Variants in RUNDC3B observed in about 807,000 individuals in gnomAD.
RUNDC3B encodes RUN domain-containing protein 3B.
RUNDC3B carries 33 observed loss-of-function variants against 58.4 expected under a neutral mutation model. That is an observed-to-expected ratio of 0.56 (90% CI 0.43 to 0.75). The LOEUF (loss-of-function observed/expected upper bound fraction) is 0.75, where lower values mean the gene tolerates loss of function less well. Ranked by LOEUF, RUNDC3B falls within the 30% of genes least tolerant of loss-of-function variation. The pLI is 0.00. For missense variants in RUNDC3B, 501 were observed against 535.7 expected, an observed-to-expected ratio of 0.94 and a Z score of 0.64; for synonymous variants, 193 against 195.2, an observed-to-expected ratio of 0.99 and a Z score of 0.10.
intron 4 of RUNDC3B, among the ~76,000 whole-genome samples, chr7:87,719,958 T>C (rs1360927816): frequency 8.5e-6 from 1 of 118,264 alleles, no homozygotes; most frequent in East Asian, 2.3e-4. Flanking sequence ...TCAGAGGTAA[T>C]GAAAAAAATT....
At chr7:87,714,940 C>T (rs1830423481) in intron 4 of RUNDC3B, among the ~76,000 whole-genome samples, 1 of 152,008 alleles carries the variant, frequency 6.6e-6, no homozygotes, top group African/African-American at 2.4e-5. Flanking sequence ...GCTGTTGGCT[C>T]ATTCTGGCAG....
At chr7:87,798,902 T>C (rs912882862) in intron 8 of RUNDC3B, among the ~76,000 whole-genome samples, 2 of 152,236 alleles carry the variant, frequency 1.3e-5, no homozygotes, top group Non-Finnish European at 2.9e-5. Context: ...TCTTTCAGTA[T>C]GTTTTCTTTA....
At chr7:87,681,729 T>TG (rs2130592325) in intron 2 of RUNDC3B, among the ~76,000 whole-genome samples, 1 of 138,202 alleles carries the variant, frequency 7.2e-6, no homozygotes, top group Admixed American at 7.3e-5. Context: ...AAGACAACAA[T>TG]GGGCTGGGCA....
At chr7:87,747,638 T>C (rs755601115) in intron 6 of RUNDC3B, among the ~76,000 whole-genome samples, 36 of 152,084 alleles carry the variant, frequency 2.4e-4, no homozygotes, top group Non-Finnish European at 4.6e-4. Context: ...GCTCAGACTC[T>C]CCTTGGGCGG....
At chr7:87,789,023 G>T (rs1446044825) in intron 8 of RUNDC3B, among the ~76,000 whole-genome samples, 1 of 152,150 alleles carries the variant, frequency 6.6e-6, no homozygotes, top group East Asian at 1.9e-4. Flanking sequence ...ATTGTTACTT[G>T]AAGGGTGCCA....
chr7:87,629,157 G>GCACTGGAA, intron 1 of RUNDC3B: 2 of 414,418 alleles, frequency 4.8e-6, no homozygotes, highest in Non-Finnish European at 8.4e-6. Flanking sequence ...CAGTTCCAGT[G>GCACTGGAA]CTGAAGGTAC....
chr7:87,638,830 T>C (rs1434827062), intron 1 of RUNDC3B, among the ~76,000 whole-genome samples: 1 of 152,176 alleles, frequency 6.6e-6, no homozygotes, highest in African/African-American at 2.4e-5. Context: ...CTTTGTTAAT[T>C]TTCTCTGTCG....
chr7:87,683,799 G>A (rs79284611), intron 2 of RUNDC3B, among the ~76,000 whole-genome samples: 2,503 of 152,224 alleles, frequency 0.016, 71 homozygotes, highest in African/African-American at 0.056. Context: ...AAATTGCACC[G>A]AAAGACTTGC....
chr7:87,629,794 C>T (rs28381770), intron 1 of RUNDC3B, among the ~76,000 whole-genome samples: 4,726 of 151,650 alleles, frequency 0.031, 73 homozygotes, highest in Middle Eastern at 0.048. Context: ...GGCGTGGTGG[C>T]GGGCTCCTGT....
At chr7:87,691,011 G>A (rs369449073) in intron 2 of RUNDC3B, among the ~76,000 whole-genome samples, 5 of 152,092 alleles carry the variant, frequency 3.3e-5, no homozygotes, top group East Asian at 3.9e-4. Context: ...AAAATTCATC[G>A]ATTATATCAA....
At chr7:87,729,434 A>G (rs1203328542) in intron 4 of RUNDC3B, among the ~76,000 whole-genome samples, 3 of 152,186 alleles carry the variant, frequency 2.0e-5, no homozygotes, top group Non-Finnish European at 4.4e-5. Flanking sequence ...GGAGGCAGCA[A>G]ACAGTAATTG....
At chr7:87,806,390 C>T (rs1017018005) in intron 8 of RUNDC3B, among the ~76,000 whole-genome samples, 11 of 152,152 alleles carry the variant, frequency 7.2e-5, no homozygotes, top group Admixed American at 2.6e-4. Flanking sequence ...GGACTTTTAT[C>T]TGTGGAAGTT....
intron 5 of RUNDC3B, among the ~76,000 whole-genome samples, 183 bp downstream of exon 5, chr7:87,740,063 T>A (rs1832223613): frequency 6.6e-6 from 1 of 152,162 alleles, no homozygotes; most frequent in Non-Finnish European, 1.5e-5. Context: ...GAAAAGAGAC[T>A]GCCTGAAACT....
chr7:87,723,792 G>T (rs949787518), intron 4 of RUNDC3B, among the ~76,000 whole-genome samples: 5 of 151,916 alleles, frequency 3.3e-5, no homozygotes, highest in Admixed American at 3.3e-4. Flanking sequence ...TAAACACATA[G>T]TTAAGAGCTG....
At chr7:87,813,837 C>T (rs1391269850) in intron 9 of RUNDC3B, among the ~76,000 whole-genome samples, 3 of 151,710 alleles carry the variant, frequency 2.0e-5, no homozygotes, top group Non-Finnish European at 4.4e-5. Flanking sequence ...AAAAAATAGC[C>T]GGGCGTGGTG....
intron 2 of RUNDC3B, among the ~76,000 whole-genome samples, chr7:87,678,232 G>A (rs1158924218): frequency 1.3e-5 from 2 of 152,166 alleles, no homozygotes; most frequent in African/African-American, 4.8e-5. Flanking sequence ...GGGATTACAG[G>A]TGTGAGCCAC....
intron 4 of RUNDC3B, among the ~76,000 whole-genome samples, chr7:87,724,668 T>C (rs749088370): frequency 3.0e-4 from 45 of 152,078 alleles, no homozygotes; most frequent in Non-Finnish European, 6.0e-4. Flanking sequence ...AATCCATACA[T>C]ACAGCCAGGT....
At chr7:87,732,570 C>T (rs1394547787) in intron 4 of RUNDC3B, among the ~76,000 whole-genome samples, 2 of 152,150 alleles carry the variant, frequency 1.3e-5, no homozygotes, top group African/African-American at 4.8e-5. Flanking sequence ...TGCAACGGGG[C>T]TCTCTGTTGT....
chr7:87,721,217 GT>G (rs1321994544), intron 4 of RUNDC3B, among the ~76,000 whole-genome samples: 1 of 151,838 alleles, frequency 6.6e-6, no homozygotes, highest in African/African-American at 2.4e-5. Flanking sequence ...TATACTCTAT[GT>G]TGTGTTTAAA....
Sources: gnomAD v4.1 joint callset for allele counts (sites outside exome capture counted in the v4.1 genomes callset) on GRCh38, gnomAD v4.1.1 for gene constraint, MANE v1.5 for transcripts, NCBI Gene and HGNC (gene_info 2026-07-23, HGNC 2026-07-21) for gene names.